The following PTPRD variants were observed in gnomAD, a reference collection of about 807,000 sequenced individuals.
The protein encoded by PTPRD is receptor-type tyrosine-protein phosphatase delta.
PTPRD carries 34 observed loss-of-function variants against 214.5 expected under a neutral mutation model. The observed-to-expected ratio is 0.16, with a 90% CI of 0.12 to 0.21. PTPRD has a LOEUF of 0.21. PTPRD is among the 10% of genes least tolerant of loss of function. The pLI, the probability that PTPRD is intolerant of heterozygous loss-of-function variation, is 1.00. For synonymous variants in PTPRD, 1,128 were observed against 845.7 expected (o/e 1.33, Z -5.79); for missense variants, 2,545 against 2,398.7 (o/e 1.06, Z -1.27).
intron 10 of PTPRD, among the ~76,000 whole-genome samples, chr9:9,141,772 C>A (rs907524431): frequency 6.6e-6 from 1 of 150,838 alleles, no homozygotes; most frequent in Non-Finnish European, 1.5e-5. Flanking sequence ...TTAATATAAA[C>A]ATATTCATAT....
At chr9:8,728,389 G>A (rs1438610156) in intron 12 of PTPRD, among the ~76,000 whole-genome samples, 3 of 152,148 alleles carry the variant, frequency 2.0e-5, no homozygotes, top group African/African-American at 7.2e-5. Context: ...GTGCAGATGA[G>A]GTCTTGCTAT....
intron 11 of PTPRD, among the ~76,000 whole-genome samples, chr9:8,852,258 AG>A (rs1384755481): frequency 6.6e-6 from 1 of 152,222 alleles, no homozygotes; most frequent in African/African-American, 2.4e-5. Flanking sequence ...TAATAAAAAA[AG>A]AAAAAGAAAA....
In PTPRD at chr9:10,518,301, C is replaced by T. The variant is rs375284741; in HGVS notation, c.-600+94097G>A. Among the ~76,000 whole-genome samples the T allele has an allele frequency of 1.2e-4, 19 of 152,104 alleles. No individual in the cohort carries two copies. The East Asian group carries it at 2.9e-3, about 23-fold the overall frequency. ...TCATTAGGGAAGCTGAAGAGCCTGG[C>T]GTATGGTTGTACATCTCACTTCCAG... On this transcript the variant is annotated intron_variant, in intron 2 of 45. Transcript: ENST00000381196.
chr9:9,251,010 C>T (rs894898118), intron 9 of PTPRD, among the ~76,000 whole-genome samples: 1 of 151,882 alleles, frequency 6.6e-6, no homozygotes, highest in Non-Finnish European at 1.5e-5. Context: ...TGAAATTGAC[C>T]CTCTTTTCCA....
chr9:8,987,241 T>C (rs757606082), intron 11 of PTPRD, among the ~76,000 whole-genome samples: 7 of 152,158 alleles, frequency 4.6e-5, no homozygotes, highest in South Asian at 4.2e-4. Context: ...TGTGAGACGA[T>C]TGGCCAGGGT....
intron 3 of PTPRD, among the ~76,000 whole-genome samples, chr9:10,336,622 A>G (rs577236877): frequency 6.6e-6 from 1 of 151,816 alleles, no homozygotes; most frequent in East Asian, 1.9e-4. Context: ...CAAGAATATT[A>G]GGTCTAGGTA....
chr9:9,579,275 AAAGTCTTT>A (rs1173436539), intron 7 of PTPRD, among the ~76,000 whole-genome samples: 15 of 152,026 alleles, frequency 9.9e-5, no homozygotes, highest in Admixed American at 9.8e-4. Context: ...GAAGTGTGTC[AAAGTCTTT>A]AAGTTCATCT....
chr9:8,330,316 T>C (rs1166396236), intron 44 of PTPRD, among the ~76,000 whole-genome samples: 6 of 152,122 alleles, frequency 3.9e-5, no homozygotes, highest in Non-Finnish European at 8.8e-5. Context: ...TTCAGCCATC[T>C]TTCCAGCTCT....
At chr9:10,084,913 G>C (rs1185698981) in intron 3 of PTPRD, among the ~76,000 whole-genome samples, 1 of 151,828 alleles carries the variant, frequency 6.6e-6, no homozygotes, top group Non-Finnish European at 1.5e-5. Flanking sequence ...ATCTCAATAG[G>C]AGTCTCAACT....
At chr9:9,458,259 G>T (rs957330519) in intron 8 of PTPRD, among the ~76,000 whole-genome samples, 1 of 151,758 alleles carries the variant, frequency 6.6e-6, no homozygotes, top group Non-Finnish European at 1.5e-5. Context: ...AGTGTACAAT[G>T]GAAAATATAT....
intron 30 of PTPRD, among the ~76,000 whole-genome samples, chr9:8,473,978 G>A (rs2096712188): frequency 1.3e-5 from 2 of 152,118 alleles, no homozygotes; most frequent in African/African-American, 4.8e-5. Context: ...TGTGCTCTCT[G>A]CAACTATAGC....
chr9:9,797,720 C>T (rs1271896536), intron 5 of PTPRD, among the ~76,000 whole-genome samples: 2 of 150,948 alleles, frequency 1.3e-5, no homozygotes, highest in Non-Finnish European at 3.0e-5. Context: ...GTGGCAGGCA[C>T]CTGTAATCCC....
intron 5 of PTPRD, among the ~76,000 whole-genome samples, chr9:9,796,443 G>C (rs1436405035): frequency 1.3e-5 from 2 of 152,094 alleles, no homozygotes; most frequent in Non-Finnish European, 1.5e-5. Context: ...TGATGGCTCT[G>C]ATGTTCAGGA....
At chr9:10,036,533 C>A (rs1408849807) in intron 3 of PTPRD, among the ~76,000 whole-genome samples, 1 of 93,076 alleles carries the variant, frequency 1.1e-5, no homozygotes, top group Non-Finnish European at 2.1e-5. Context: ...CACACACACA[C>A]AATTTTGCCA....
intron 10 of PTPRD, among the ~76,000 whole-genome samples, chr9:9,026,675 C>T (rs1430837442): frequency 6.6e-6 from 1 of 151,816 alleles, no homozygotes; most frequent in Non-Finnish European, 1.5e-5. Flanking sequence ...AAGGTATTTG[C>T]CAGTTTTCTG....
chr9:9,742,383 TAGAGA>T (rs1564910767), intron 6 of PTPRD, among the ~76,000 whole-genome samples: 1 of 152,144 alleles, frequency 6.6e-6, no homozygotes. Flanking sequence ...TCACCTTTCG[TAGAGA>T]AATGTATGCA....
chr9:8,964,477 T>C (rs1261488971), intron 11 of PTPRD, among the ~76,000 whole-genome samples: 1 of 152,024 alleles, frequency 6.6e-6, no homozygotes, highest in Non-Finnish European at 1.5e-5. Context: ...TAGTAGCCTA[T>C]TGATCCTGTT....
intron 24 of PTPRD, among the ~76,000 whole-genome samples, chr9:8,500,148 A>C (rs956777198): frequency 6.6e-6 from 1 of 152,108 alleles, no homozygotes; most frequent in Non-Finnish European, 1.5e-5. Context: ...TTTGAGGTTC[A>C]AAGCATTAAA....
intron 9 of PTPRD, among the ~76,000 whole-genome samples, chr9:9,356,893 C>A (rs1176855186): frequency 2.6e-5 from 4 of 151,344 alleles, no homozygotes; most frequent in African/African-American, 9.7e-5. Flanking sequence ...AAGCTGGCAA[C>A]TTGCTACCAG....
Sources: allele counts gnomAD v4.1 joint callset (sites outside exome capture counted in the v4.1 genomes callset), GRCh38; gene constraint gnomAD v4.1.1; transcripts MANE v1.5; gene names NCBI Gene and HGNC (gene_info 2026-07-23, HGNC 2026-07-21).